The following KLRG1 variants were observed in gnomAD, a reference collection of about 807,000 sequenced individuals.
The protein encoded by KLRG1 is killer cell lectin-like receptor subfamily G member 1.
KLRG1 carries 16 observed loss-of-function variants against 21.8 expected under a neutral mutation model. The observed-to-expected ratio is 0.73, with a 90% CI of 0.50 to 1.11. KLRG1 has a LOEUF of 1.11. KLRG1 is among the 50% of genes most tolerant of loss of function. KLRG1 has a pLI of 0.00. For missense variants in KLRG1, 173 were observed against 218.3 expected, an observed-to-expected ratio of 0.79 and a Z score of 1.31; for synonymous variants, 69 against 75.9, an observed-to-expected ratio of 0.91 and a Z score of 0.47.
the KLRG1 span, among the ~76,000 whole-genome samples, chr12:9,125,785 A>C: frequency 6.6e-6 from 1 of 152,202 alleles, no homozygotes; most frequent in Non-Finnish European, 1.5e-5. Flanking sequence ...CCCAGGCTGG[A>C]GTGCAGTGGC....
At chr12:9,159,589 C>T in the KLRG1 span, among the ~76,000 whole-genome samples, 2 of 151,686 alleles carry the variant, frequency 1.3e-5, no homozygotes, top group Admixed American at 6.6e-5. Flanking sequence ...CTGGTGGCTT[C>T]ATAAGAAGAG....
At chr12:9,192,448 G>C in the KLRG1 span, 1 of 1,457,080 alleles carries the variant, frequency 6.9e-7, no homozygotes, top group Non-Finnish European at 9.6e-7. Context: ...TGACATTCCT[G>C]AGCCTATTGA....
intron 1 of KLRG1, among the ~76,000 whole-genome samples, chr12:8,973,616 T>C (rs1946607962): frequency 6.6e-6 from 1 of 152,218 alleles, no homozygotes; most frequent in Non-Finnish European, 1.5e-5. Flanking sequence ...TATTTTGTTA[T>C]AGAAGCACAA....
the KLRG1 span, among the ~76,000 whole-genome samples, chr12:9,117,615 C>T: frequency 2.0e-5 from 3 of 152,030 alleles, no homozygotes; most frequent in Non-Finnish European, 4.4e-5. Flanking sequence ...GACAGAAGGG[C>T]TGAGGGTTGG....
At chr12:9,204,153 A>G in the KLRG1 span, among the ~76,000 whole-genome samples, 1 of 152,192 alleles carries the variant, frequency 6.6e-6, no homozygotes. Flanking sequence ...CAGCCACACA[A>G]TCTGGAGCCA....
chr12:9,180,340 A>G, the KLRG1 span, among the ~76,000 whole-genome samples: 3 of 152,172 alleles, frequency 2.0e-5, no homozygotes, highest in African/African-American at 7.2e-5. Context: ...CCGCATCGCC[A>G]AGGCAATCCT....
At chr12:9,168,853 C>T in the KLRG1 span, 2 of 1,575,640 alleles carry the variant, frequency 1.3e-6, no homozygotes, top group Non-Finnish European at 1.7e-6. Context: ...AAATTAAAAG[C>T]AAATTGCTGT....
At chr12:8,980,102 T>C (rs780971302) in intron 1 of KLRG1, among the ~76,000 whole-genome samples, 3 of 152,196 alleles carry the variant, frequency 2.0e-5, no homozygotes, top group African/African-American at 7.2e-5. Context: ...GGTTTCACCA[T>C]GTTAGCCAGG....
chr12:9,169,760 G>C, the KLRG1 span: 1 of 550,106 alleles, frequency 1.8e-6, no homozygotes, highest in African/African-American at 2.0e-5. Context: ...GTGTTGTTTT[G>C]TTATAAAGAA....
chr12:9,094,880 T>A, the KLRG1 span: 1 of 617,110 alleles, frequency 1.6e-6, no homozygotes. Context: ...CATGTCCTTT[T>A]TGTTTGTTAA....
the KLRG1 span, among the ~76,000 whole-genome samples, chr12:9,046,728 A>C: frequency 1.3e-5 from 2 of 152,262 alleles, no homozygotes; most frequent in Non-Finnish European, 2.9e-5. Context: ...GTTGCCTTCC[A>C]AGAAATGTTA....
chr12:9,194,565 C>G, the KLRG1 span, among the ~76,000 whole-genome samples: 4 of 151,128 alleles, frequency 2.6e-5, no homozygotes, highest in Middle Eastern at 3.4e-3. Context: ...CCTGGACTCA[C>G]GCCATTCTCC....
chr12:9,202,200 G>A, the KLRG1 span: 2 of 904,320 alleles, frequency 2.2e-6, no homozygotes, highest in African/African-American at 3.3e-5. Context: ...GCTGAGGCTG[G>A]AGCCAAGTTC....
chr12:9,181,975 C>T, the KLRG1 span: 156,825 of 1,611,628 alleles, frequency 0.097, 8,091 homozygotes, highest in African/African-American at 0.16. Flanking sequence ...AATCGCTCAC[C>T]TTGTTGGCTA....
the KLRG1 span, among the ~76,000 whole-genome samples, chr12:9,124,174 G>C: frequency 6.6e-6 from 1 of 152,330 alleles, no homozygotes; most frequent in East Asian, 1.9e-4. Flanking sequence ...TCAGAGACAA[G>C]AGGATTCTCG....
At chr12:9,025,456 G>A in the KLRG1 span, among the ~76,000 whole-genome samples, 1 of 152,146 alleles carries the variant, frequency 6.6e-6, no homozygotes, top group African/African-American at 2.4e-5. Context: ...GGCCAACATG[G>A]TGAAACCCCG....
At chr12:8,996,666 C>CCA (rs1183401939) in intron 3 of KLRG1, 1 of 152,088 alleles carries the variant, frequency 6.6e-6, no homozygotes, top group Non-Finnish European at 1.5e-5. Context: ...CTAAATCATT[C>CCA]CACATTTGTG....
chr12:9,154,511 T>C, the KLRG1 span: 1 of 1,105,292 alleles, frequency 9.0e-7, no homozygotes, highest in Non-Finnish European at 1.3e-6. Flanking sequence ...AAATACTTCT[T>C]CAATGATTTA....
chr12:9,182,101 G>C, the KLRG1 span: 1 of 1,613,380 alleles, frequency 6.2e-7, no homozygotes, highest in African/African-American at 1.3e-5. Context: ...GGAAGGATAA[G>C]GCAAAACTGC....
Sources: allele counts gnomAD v4.1 joint callset (sites outside exome capture counted in the v4.1 genomes callset), GRCh38; gene constraint gnomAD v4.1.1; transcripts MANE v1.5; gene names NCBI Gene and HGNC (gene_info 2026-07-23, HGNC 2026-07-21).